Variants in MACROD1 observed in about 807,000 individuals in gnomAD.
The protein encoded by MACROD1 is ADP-ribose glycohydrolase MACROD1.
In MACROD1, 31 loss-of-function variants were observed where a neutral mutation model predicts 41.4. That is an observed-to-expected ratio of 0.75 (90% CI 0.56 to 1.01). The LOEUF (loss-of-function observed/expected upper bound fraction) is 1.01. MACROD1 is among the 50% of genes least tolerant of loss of function. MACROD1 has a pLI of 0.00. For missense variants in MACROD1, 473 were observed against 460.0 expected (o/e 1.03, Z -0.26); for synonymous variants, 252 against 203.4 (o/e 1.24, Z -2.03).
intron 3 of MACROD1, among the ~76,000 whole-genome samples, chr11:64,018,363 C>T (rs538506952): frequency 9.8e-5 from 15 of 152,286 alleles, no homozygotes; most frequent in Middle Eastern, 3.4e-3. Flanking sequence ...CCTGGGCCCC[C>T]GTTCTGGCCC....
At chr11:64,095,418 A>T (rs1944559089) in intron 3 of MACROD1, among the ~76,000 whole-genome samples, 1 of 152,172 alleles carries the variant, frequency 6.6e-6, no homozygotes, top group African/African-American at 2.4e-5. Flanking sequence ...GAGCATGTTT[A>T]TGGGAAGGAG....
chr11:64,006,846 A>G (rs1465185338), intron 4 of MACROD1, among the ~76,000 whole-genome samples: 1 of 152,164 alleles, frequency 6.6e-6, no homozygotes, highest in Non-Finnish European at 1.5e-5. Context: ...GATGCCTCCC[A>G]TAGGGCGGGG....
Position 64,152,280 on chromosome 11 carries a change from A to C in MACROD1, c.400+12T>G, listed in dbSNP as rs201354207. 2 of 1,613,726 alleles carry C rather than the reference A, an allele frequency of 1.2e-6. No homozygotes were observed. The highest frequency in any genetic ancestry group is 4.5e-5 in the East Asian group (2 of 44,888). On this transcript the variant is annotated intron_variant, in intron 2 of 10. Coordinates refer to ENST00000255681, the MANE Select transcript of MACROD1 (RefSeq NM_014067.4). Reference sequence around the variant, plus strand: ...AGCCTGCCCACCAGGGCCTCCCCCGAGCAGGGCCTACCTTTCGCCATCTCC... The same window carrying C: ...AGCCTGCCCACCAGGGCCTCCCCCGCGCAGGGCCTACCTTTCGCCATCTCC...
Position 64,165,703 on chromosome 11 carries a change from C to A in MACROD1, c.292G>T (p.Ala98Ser). Reference protein sequence around the residue: ...DLSTSTDWKEAKSFLKGLSDK... With the variant: ...DLSTSTDWKESKSFLKGLSDK... The stretch of plus-strand genomic sequence containing the variant: ...CCCTCGTGCTTACACTTACATTTCG[C>A]CTCCTTCCAGTCGGTGGAGGTGCTC... The change falls in exon 1 of 11, where the codon GCG becomes TCG. Residue 98 changes from alanine (A) to serine (S), a missense_variant. Transcript: ENST00000255681. 1 of 1,451,674 alleles carries A rather than the reference C, an allele frequency of 6.9e-7. No homozygotes were observed. The highest frequency in any genetic ancestry group is 9.1e-7 in the Non-Finnish European group (1 of 1,099,060). The allele number at this position is 1,451,674 out of a possible 1,614,324, so 89.9% of individuals were successfully genotyped here.
intron 3 of MACROD1, among the ~76,000 whole-genome samples, chr11:64,028,427 G>A (rs983817297): frequency 1.3e-5 from 2 of 152,248 alleles, no homozygotes; most frequent in Non-Finnish European, 2.9e-5. Flanking sequence ...ACGCTGCAGA[G>A]GGAGGAGGGA....
intron 1 of MACROD1, among the ~76,000 whole-genome samples, chr11:64,163,434 A>G (rs1418013813): frequency 6.6e-6 from 1 of 152,234 alleles, no homozygotes; most frequent in Non-Finnish European, 1.5e-5. Context: ...CCTAGAATAA[A>G]GCAGGAGAGA....
At chr11:64,154,791 G>A (rs1461358434) in intron 1 of MACROD1, among the ~76,000 whole-genome samples, 1 of 152,164 alleles carries the variant, frequency 6.6e-6, no homozygotes. Context: ...CACGATCTTG[G>A]CTCACTGCAA....
intron 3 of MACROD1, among the ~76,000 whole-genome samples, chr11:64,109,350 G>T (rs1944819827): frequency 6.6e-6 from 1 of 152,110 alleles, no homozygotes; most frequent in African/African-American, 2.4e-5. Context: ...TTTGCAGTTG[G>T]GTGTAGACAC....
chr11:64,108,543 TG>T, intron 3 of MACROD1, among the ~76,000 whole-genome samples: 1 of 152,300 alleles, frequency 6.6e-6, no homozygotes, highest in South Asian at 2.1e-4. Flanking sequence ...CCCAGGAAGG[TG>T]GGGTCTTTCA....
chr11:64,013,140 T>C (rs940814479), intron 4 of MACROD1, among the ~76,000 whole-genome samples: 1 of 152,234 alleles, frequency 6.6e-6, no homozygotes, highest in Non-Finnish European at 1.5e-5. Flanking sequence ...GAGCACTTAT[T>C]ATAAGTGCCA....
intron 1 of MACROD1, among the ~76,000 whole-genome samples, chr11:64,163,561 A>T (rs1350896779): frequency 6.6e-6 from 1 of 152,150 alleles, no homozygotes; most frequent in East Asian, 1.9e-4. Context: ...CATGTGAGGC[A>T]CTCAAGCAGC....
rs546299947 is a variant in MACROD1, at chr11:64,107,350, CT to C, written c.517+43888del. On this transcript the variant is annotated intron_variant, in intron 3 of 10. Transcript: ENST00000255681. ...GTGTCTCCTTTCATCCCCCCACCCC[CT>C]CCTGGCCTTGAATGGTTTAATATCG... Among the ~76,000 whole-genome samples, 9 of 152,250 alleles carry C rather than the reference CT, an allele frequency of 5.9e-5. No homozygotes were observed. In the South Asian group the frequency reaches 1.9e-3, roughly 32 times the overall value.
At chr11:64,008,285 G>A (rs1266145671) in intron 4 of MACROD1, among the ~76,000 whole-genome samples, 1 of 152,138 alleles carries the variant, frequency 6.6e-6, no homozygotes, top group Non-Finnish European at 1.5e-5. Context: ...AGAGAGGCAG[G>A]GTTGTGGGGG....
chr11:64,153,288 G>C (rs1424055646), intron 1 of MACROD1, among the ~76,000 whole-genome samples: 1 of 152,194 alleles, frequency 6.6e-6, no homozygotes. Flanking sequence ...GCTCAGCCCA[G>C]CCTGGCACCC....
At chr11:64,044,437 CA>C (rs1471920710) in intron 3 of MACROD1, among the ~76,000 whole-genome samples, 1 of 152,062 alleles carries the variant, frequency 6.6e-6, no homozygotes, top group Non-Finnish European at 1.5e-5. Context: ...TTGGCAGAGA[CA>C]GGGTTTCCTT....
chr11:64,011,078 G>A (rs1460970857), intron 4 of MACROD1, among the ~76,000 whole-genome samples: 4 of 143,794 alleles, frequency 2.8e-5, no homozygotes, highest in African/African-American at 7.7e-5. Context: ...GGGTGTTGAA[G>A]TGTTGGCTGG....
At position 64,064,261 on chromosome 11, in the gene MACROD1, A is replaced by C. The variant is rs1161734653; in HGVS notation, c.518-48980T>G. On this transcript the variant is annotated intron_variant, in intron 3 of 10. Coordinates refer to ENST00000255681, the MANE Select transcript of MACROD1 (RefSeq NM_014067.4). This position sits in a 1 kb window ranked among gnomAD's most constrained non-coding sequence, Gnocchi z 4.5. ...AGCCTAGGGTTGGGGACAAAAAGCA[A>C]CCAAGCCACACCGTAGTCTCCACGT... Among the ~76,000 whole-genome samples the C allele has an allele frequency of 6.6e-6, 1 of 152,144 alleles. No homozygotes were observed. The highest frequency in any genetic ancestry group is 2.4e-5 in the African/African-American group (1 of 41,436).
chr11:64,027,691 CT>C (rs985255901), intron 3 of MACROD1, among the ~76,000 whole-genome samples: 5 of 152,156 alleles, frequency 3.3e-5, no homozygotes, highest in Non-Finnish European at 4.4e-5. Context: ...TAGCCTCCCC[CT>C]GGCCCCCAGT....
intron 3 of MACROD1, among the ~76,000 whole-genome samples, chr11:64,049,749 C>T (rs1288717343): frequency 1.3e-5 from 2 of 152,338 alleles, no homozygotes; most frequent in East Asian, 1.9e-4. Flanking sequence ...TGAGGGGGAT[C>T]GGTTTCTCCA....
Sources: allele counts gnomAD v4.1 joint callset (sites outside exome capture counted in the v4.1 genomes callset), GRCh38; gene constraint gnomAD v4.1.1; non-coding constraint Gnocchi (gnomAD v3.1); transcripts MANE v1.5; gene names NCBI Gene and HGNC (gene_info 2026-07-23, HGNC 2026-07-21).